Variants in NOVA1 observed in about 807,000 individuals in gnomAD.
NOVA1 encodes the protein RNA-binding protein Nova-1.
Under a neutral mutation model 38.0 loss-of-function variants are expected in NOVA1, and 7 were observed. The ratio of observed to expected loss-of-function variants is 0.18; its 90% CI spans 0.10 to 0.35. The LOEUF is 0.35. Ranked by LOEUF, NOVA1 falls within the 10% of genes least tolerant of loss-of-function variation. NOVA1 has a pLI of 1.00. For missense variants in NOVA1, 460 were observed against 616.0 expected, an observed-to-expected ratio of 0.75 and a Z score of 2.68; for synonymous variants, 270 against 232.5, an observed-to-expected ratio of 1.16 and a Z score of -1.47.
chr14:26,575,801 T>A (rs978209665), intron 2 of NOVA1, among the ~76,000 whole-genome samples: 1 of 151,936 alleles, frequency 6.6e-6, no homozygotes, highest in Non-Finnish European at 1.5e-5. Context: ...TTTTATTAAA[T>A]CTATAACAAC....
chr14:26,581,550 C>T (rs185668358), intron 2 of NOVA1, among the ~76,000 whole-genome samples: 42 of 151,890 alleles, frequency 2.8e-4, no homozygotes, highest in Middle Eastern at 6.8e-3. Context: ...AGAAAGATAT[C>T]AAGGTTCTAT....
intron 2 of NOVA1, among the ~76,000 whole-genome samples, chr14:26,483,797 AGAG>A (rs1166711888): frequency 6.6e-6 from 1 of 152,218 alleles, no homozygotes; most frequent in Non-Finnish European, 1.5e-5. Flanking sequence ...TCAATAAAGA[AGAG>A]ATTACTCTCC....
Position 26,472,032 on chromosome 14 carries a change from A to T in NOVA1, c.519+288T>A, listed in dbSNP as rs540876769. ...TACAATAAGGGAGATTAAAAATACC[A>T]ATTCAATAAATAGGCTTCAGTGCTC... is the stretch of plus-strand genomic sequence containing the variant. On this transcript the variant is annotated intron_variant, in intron 4 of 4. Coordinates refer to ENST00000539517, the MANE Select transcript of NOVA1 (RefSeq NM_002515.3). 110 of 408,742 alleles carry T rather than the reference A, an allele frequency of 2.7e-4. 1 individual carries two copies. The East Asian group carries it at 3.8e-3, about 14-fold the overall frequency. The allele number at this position is 408,742 out of a possible 1,614,324, so 25.3% of individuals were successfully genotyped here.
chr14:26,454,972 C>T (rs1883038975), intron 4 of NOVA1, among the ~76,000 whole-genome samples: 1 of 152,008 alleles, frequency 6.6e-6, no homozygotes, highest in Admixed American at 6.6e-5. Flanking sequence ...AAAATGGTAT[C>T]CTTTCGATTA....
At chr14:26,472,928 A>G (rs1251305771) in intron 3 of NOVA1, among the ~76,000 whole-genome samples, 2 of 152,026 alleles carry the variant, frequency 1.3e-5, no homozygotes, top group East Asian at 3.8e-4. Context: ...ATTAAATTTG[A>G]AGTTCTGAGT....
At chr14:26,510,011 A>C (rs2138447269) in intron 2 of NOVA1, among the ~76,000 whole-genome samples, 1 of 152,296 alleles carries the variant, frequency 6.6e-6, no homozygotes, top group East Asian at 1.9e-4. Context: ...TACACAGTAC[A>C]GACATAAGAG....
chr14:26,503,550 G>C (rs1291288654), intron 2 of NOVA1, among the ~76,000 whole-genome samples: 6 of 152,158 alleles, frequency 3.9e-5, no homozygotes, highest in African/African-American at 1.4e-4. Flanking sequence ...TATTGGAATG[G>C]TAAGTTAGCA....
chr14:26,567,772 G>A (rs557223437), intron 2 of NOVA1, among the ~76,000 whole-genome samples: 2 of 152,174 alleles, frequency 1.3e-5, no homozygotes, highest in Admixed American at 6.5e-5. Flanking sequence ...ATCTCAATAT[G>A]CTAACGATCT....
At chr14:26,574,801 C>G (rs1394212306) in intron 2 of NOVA1, among the ~76,000 whole-genome samples, 1 of 151,972 alleles carries the variant, frequency 6.6e-6, no homozygotes, top group Admixed American at 6.6e-5. Context: ...GGAATACAGG[C>G]TCACACCACT....
intron 2 of NOVA1, among the ~76,000 whole-genome samples, chr14:26,513,920 G>A (rs931674608): frequency 4.0e-5 from 6 of 151,296 alleles, no homozygotes; most frequent in Admixed American, 2.0e-4. Flanking sequence ...AACTCTTTTC[G>A]AATAGCTAAC....
chr14:26,512,773 T>C (rs1888195672), intron 2 of NOVA1, among the ~76,000 whole-genome samples: 1 of 152,026 alleles, frequency 6.6e-6, no homozygotes. Flanking sequence ...GAAAAATATA[T>C]GCAAATATTA....
chr14:26,495,429 C>T (rs1440582781), intron 2 of NOVA1, among the ~76,000 whole-genome samples: 2 of 152,144 alleles, frequency 1.3e-5, no homozygotes, highest in Non-Finnish European at 2.9e-5. Context: ...AAGTTGTTAA[C>T]AAATAACTAT....
At chr14:26,534,081 C>G (rs547754998) in intron 2 of NOVA1, among the ~76,000 whole-genome samples, 3 of 152,250 alleles carry the variant, frequency 2.0e-5, no homozygotes, top group Middle Eastern at 6.8e-3. Flanking sequence ...TTACTAATAA[C>G]TAGCATAACT....
At chr14:26,476,155 A>G (rs1303890412) in intron 3 of NOVA1, among the ~76,000 whole-genome samples, 1 of 152,148 alleles carries the variant, frequency 6.6e-6, no homozygotes, top group Non-Finnish European at 1.5e-5. Flanking sequence ...TTTAGTTTTT[A>G]ATTTCTGACA....
At chr14:26,526,730 G>A (rs1005850129) in intron 2 of NOVA1, among the ~76,000 whole-genome samples, 1 of 152,114 alleles carries the variant, frequency 6.6e-6, no homozygotes, top group Non-Finnish European at 1.5e-5. Flanking sequence ...AAGGGGATAA[G>A]AGCTAAAAAC....
chr14:26,537,545 C>A (rs76780471), intron 2 of NOVA1, among the ~76,000 whole-genome samples: 3,226 of 151,850 alleles, frequency 0.021, 111 homozygotes, highest in African/African-American at 0.074. Flanking sequence ...AGACAATTGG[C>A]AAAAAGGGAA....
At chr14:26,477,502 G>GA (rs1424613399) in intron 3 of NOVA1, among the ~76,000 whole-genome samples, 1 of 152,040 alleles carries the variant, frequency 6.6e-6, no homozygotes, top group East Asian at 1.9e-4. Context: ...ACTTTCCCAA[G>GA]AAATTATACT....
chr14:26,587,576 G>T (rs1457389769), intron 2 of NOVA1, among the ~76,000 whole-genome samples: 1 of 150,786 alleles, frequency 6.6e-6, no homozygotes, highest in Non-Finnish European at 1.5e-5. Flanking sequence ...ACTTTTTAAA[G>T]AAATCATCAT....
chr14:26,572,073 T>C (rs892605727), intron 2 of NOVA1, among the ~76,000 whole-genome samples: 1 of 152,188 alleles, frequency 6.6e-6, no homozygotes, highest in African/African-American at 2.4e-5. Context: ...GTACTAAAGG[T>C]TTGTTTTTGT....
Sources: allele counts gnomAD v4.1 joint callset (sites outside exome capture counted in the v4.1 genomes callset), GRCh38; gene constraint gnomAD v4.1.1; transcripts MANE v1.5; gene names NCBI Gene and HGNC (gene_info 2026-07-23, HGNC 2026-07-21).